The following POM121C variants were observed in gnomAD, a reference collection of about 807,000 sequenced individuals.
POM121C encodes the protein nuclear envelope pore membrane protein POM 121C.
In POM121C, 20 loss-of-function variants were observed where a neutral mutation model predicts 66.4. The ratio of observed to expected loss-of-function variants is 0.30; its 90% CI spans 0.21 to 0.44. The LOEUF is 0.44. Among genes scored for constraint, POM121C ranks in the 20% least tolerant of loss-of-function variants. The probability of loss-of-function intolerance (pLI) is 1.00; values close to 1 mark genes in which losing one functional copy is unlikely to be tolerated. For synonymous variants in POM121C, 286 were observed against 528.0 expected (o/e 0.54, Z 6.28); for missense variants, 580 against 1,225.7 (o/e 0.47, Z 7.87).
chr7:75,440,855 A>T (rs1298842187), intron 5 of POM121C, 99 bp downstream of exon 5: 1 of 1,598,506 alleles, frequency 6.3e-7, no homozygotes, highest in African/African-American at 1.3e-5. Flanking sequence ...GAAGGCTCAC[A>T]AACTGGACGT....
At chr7:75,428,540 G>T (rs1554471961) in intron 7 of POM121C, among the ~76,000 whole-genome samples, 1 of 152,192 alleles carries the variant, frequency 6.6e-6, no homozygotes, top group Admixed American at 6.5e-5. Flanking sequence ...TTGAGCCCAG[G>T]AGTTTCAGAC....
At chr7:75,423,683 AG>A (rs1789816068) in intron 12 of POM121C, among the ~76,000 whole-genome samples, 1 of 152,152 alleles carries the variant, frequency 6.6e-6, no homozygotes, top group African/African-American at 2.4e-5. Flanking sequence ...AAAGTGCTGG[AG>A]GGAAAGGAAG....
chr7:75,433,225 ACT>A (rs1238966837), intron 7 of POM121C, among the ~76,000 whole-genome samples: 6 of 94,116 alleles, frequency 6.4e-5, no homozygotes, highest in African/African-American at 2.1e-4. Flanking sequence ...ACAGTGTGAG[ACT>A]CTGTCTCAAA....
chr7:75,475,801 A>G (rs1205102507), intron 1 of POM121C, among the ~76,000 whole-genome samples: 4 of 152,108 alleles, frequency 2.6e-5, no homozygotes, highest in Non-Finnish European at 4.4e-5. Context: ...TAATGCAGAC[A>G]AGGTGCAGAA....
chr7:75,448,090 A>G (rs1367800396), intron 3 of POM121C, among the ~76,000 whole-genome samples: 7 of 151,688 alleles, frequency 4.6e-5, no homozygotes, highest in Non-Finnish European at 8.8e-5. Flanking sequence ...GTAGTGGCAC[A>G]TGCCTGGAGT....
intron 3 of POM121C, among the ~76,000 whole-genome samples, chr7:75,455,123 T>C (rs1426253710): frequency 1.3e-5 from 2 of 152,142 alleles, no homozygotes; most frequent in African/African-American, 4.8e-5. Context: ...CGAAGAGCCT[T>C]GTAAATCAGG....
intron 3 of POM121C, chr7:75,442,710 C>G (rs1273753325): frequency 2.5e-5 from 35 of 1,377,566 alleles, no homozygotes; most frequent in Non-Finnish European, 3.3e-5. Flanking sequence ...GCCGCAGCCG[C>G]CGGAGACATC....
intron 7 of POM121C, among the ~76,000 whole-genome samples, chr7:75,426,808 A>AG (rs1789958286): frequency 6.7e-6 from 1 of 150,024 alleles, no homozygotes; most frequent in Non-Finnish European, 1.5e-5. Flanking sequence ...AAAAAAAAAA[A>AG]AAAAAAAAAA....
chr7:75,474,940 GAAT>G, intron 2 of POM121C, 58 bp from the exon 3 acceptor site: 1 of 1,161,574 alleles, frequency 8.6e-7, no homozygotes, highest in Non-Finnish European at 1.3e-6. Flanking sequence ...TTTCAATGAA[GAAT>G]AATATAAACA....
chr7:75,465,448 A>T (rs1341947227), intron 3 of POM121C, among the ~76,000 whole-genome samples: 4 of 151,748 alleles, frequency 2.6e-5, no homozygotes, highest in Admixed American at 6.6e-5. Context: ...CTACAAAAAA[A>T]AAAATAAAAA....
At chr7:75,481,334 C>T (rs1249391870) in intron 1 of POM121C, among the ~76,000 whole-genome samples, 9 of 151,406 alleles carry the variant, frequency 5.9e-5, no homozygotes, top group East Asian at 3.9e-4. Context: ...AAAGGGATTC[C>T]GTCTGGCCAA....
At position 75,424,215 on chromosome 7, in the gene POM121C, C is replaced by A. The variant is rs782758433; in HGVS notation, c.882G>T (p.Ser294=). ...QALEDKSDAA[S]NSVTETPPTT... The stretch of plus-strand genomic sequence containing the variant: ...TAGGTGGGGTCTCAGTGACAGAGTT[C>A]GAGGCAGCATCTAAGAAAGAAAGAA... Residue 294 remains serine, a synonymous_variant, in exon 12 of 15, where the codon TCG becomes TCT. Coordinates refer to ENST00000615331, the MANE Select transcript of POM121C (RefSeq NM_001099415.3). 6.2e-7 allele frequency: 1 copy of A among 1,611,866 alleles called. No homozygotes were observed. The highest frequency in any genetic ancestry group is 8.5e-7 in the Non-Finnish European group (1 of 1,179,836).
chr7:75,476,194 G>C (rs1310893899), intron 1 of POM121C, among the ~76,000 whole-genome samples: 11 of 152,084 alleles, frequency 7.2e-5, no homozygotes, highest in African/African-American at 2.7e-4. Flanking sequence ...GGGAGGCTAA[G>C]GCAGGAGGAT....
chr7:75,481,609 C>T (rs1305334486), intron 1 of POM121C, among the ~76,000 whole-genome samples: 1 of 152,108 alleles, frequency 6.6e-6, no homozygotes, highest in Non-Finnish European at 1.5e-5. Flanking sequence ...AGAAGAGGAT[C>T]ACTTGAGCCC....
rs369708759 is a variant in POM121C at position 75,424,140 on chromosome 7, G to C, written c.957C>G (p.Ser319=). ...TTGGGGCCAGGAGGGAGGTGGGTGG[G>C]GAGGCAGTTGCAGCAGCAGGCAGGG... is the stretch of plus-strand genomic sequence containing the variant. The part of the protein sequence containing the change: ...TFTLPAAATA[S]PPTSLLAPST... The change falls in exon 12 of 15, where the codon TCC becomes TCG. Residue 319 remains serine, a synonymous_variant. Coordinates refer to ENST00000615331, the MANE Select transcript of POM121C (RefSeq NM_001099415.3). The C allele has an allele frequency of 1.2e-6, 2 of 1,612,038 alleles. No homozygotes were observed. The highest frequency in any genetic ancestry group is 1.7e-6 in the Non-Finnish European group (2 of 1,179,868).
chr7:75,456,958 C>T (rs1435243441), intron 3 of POM121C, among the ~76,000 whole-genome samples: 2 of 150,142 alleles, frequency 1.3e-5, no homozygotes, highest in African/African-American at 2.4e-5. Context: ...ACCAGCCTGG[C>T]CAACATGGTG....
At chr7:75,439,011 T>G (rs1177974858) in intron 6 of POM121C, 133 bp downstream of exon 6, 1 of 970,176 alleles carries the variant, frequency 1.0e-6, no homozygotes, top group African/African-American at 1.6e-5. Context: ...CTCAGAATAT[T>G]CCTAATTTCA....
intron 6 of POM121C, among the ~76,000 whole-genome samples, 183 bp from the exon 7 acceptor site, chr7:75,437,869 C>A (rs587642052): frequency 1.7e-4 from 26 of 152,302 alleles, no homozygotes; most frequent in Admixed American, 1.4e-3. Context: ...ATATTTAAAA[C>A]TTAAATGTAT....
rs587689569 is a variant in POM121C, at chr7:75,421,545, C to T, written c.2707G>A (p.Val903Met). ...GGTTTGCTCTCAGTTGTGCTGCCCA[C>T]GTTGAAGGCAAACGGTGTGCTCTGG... is the stretch of plus-strand genomic sequence containing the variant. ...TGQSTPFAFN[V>M]GSTTESKPVF... Residue 903 changes from valine to methionine, a missense_variant, in exon 13 of 15, where the codon GTG (valine) becomes ATG (methionine). Physicochemically the swap from Val to Met is conservative, Grantham distance 21. Transcript: ENST00000615331. 18 of 1,611,652 alleles carry T rather than the reference C, an allele frequency of 1.1e-5. No individual in the cohort carries two copies. The highest frequency in any genetic ancestry group is 7.7e-5 in the South Asian group (7 of 90,872).
Sources: allele counts gnomAD v4.1 joint callset (sites outside exome capture counted in the v4.1 genomes callset), GRCh38; gene constraint gnomAD v4.1.1; transcripts MANE v1.5; gene names NCBI Gene and HGNC (gene_info 2026-07-23, HGNC 2026-07-21).